Variants in CACNA1H observed in about 807,000 individuals in gnomAD.
CACNA1H encodes the protein calcium voltage-gated channel subunit alpha1 H.
CACNA1H carries 149 observed loss-of-function variants against 192.5 expected under a neutral mutation model. That is an observed-to-expected ratio of 0.77 (90% confidence interval 0.68 to 0.89). CACNA1H has a LOEUF of 0.89. Ranked by LOEUF, CACNA1H falls within the 40% of genes least tolerant of loss-of-function variation. The pLI, the probability that CACNA1H is intolerant of heterozygous loss-of-function variation, is 0.00. For missense variants in CACNA1H, 4,257 were observed against 3,423.5 expected (o/e 1.24, Z -6.08); for synonymous variants, 2,202 against 1,475.2 (o/e 1.49, Z -11.29).
chr16:1,211,401 GC>G, intron 22 of CACNA1H, 79 bp from the exon 23 acceptor site: 1 of 1,607,216 alleles, frequency 6.2e-7, no homozygotes, highest in Admixed American at 1.7e-5. Context: ...GACAGCTCGG[GC>G]CTCACTCGCG....
chr16:1,216,399 C>A (rs536588563), intron 30 of CACNA1H, among the ~76,000 whole-genome samples: 1 of 152,236 alleles, frequency 6.6e-6, no homozygotes, highest in African/African-American at 2.4e-5. Context: ...GAGGGTGCGC[C>A]GCCCAGCGGG....
intron 2 of CACNA1H, among the ~76,000 whole-genome samples, chr16:1,184,488 G>C (rs1019235133): frequency 6.6e-6 from 1 of 152,234 alleles, no homozygotes; most frequent in Non-Finnish European, 1.5e-5. Context: ...TGGGCTGCTC[G>C]TTTCCCGGCC....
Position 1,204,207 on chromosome 16 carries a change from G to T in CACNA1H, c.2200G>T (p.Val734Phe). The T allele has an allele frequency of 6.2e-7, 1 of 1,611,964 alleles. No individual in the cohort carries two copies. ...GRGVYEFTQDVRHGDRWDPTR... is the reference protein window; with the variant it reads ...GRGVYEFTQDFRHGDRWDPTR... Reference sequence around the variant, plus strand: ...TGGCGTCTATGAATTCACGCAGGACGTCCGGCACGGTGACCGCTGGGACCC... The same window carrying T: ...TGGCGTCTATGAATTCACGCAGGACTTCCGGCACGGTGACCGCTGGGACCC... Residue 734 changes from valine to phenylalanine, a missense_variant, in exon 10 of 35, where the codon GTC (valine) becomes TTC (phenylalanine). Coordinates refer to ENST00000348261, the MANE Select transcript of CACNA1H (RefSeq NM_021098.3).
chr16:1,198,276 C>T (rs1296496198), intron 5 of CACNA1H, among the ~76,000 whole-genome samples: 1 of 152,138 alleles, frequency 6.6e-6, no homozygotes, highest in Non-Finnish European at 1.5e-5. Flanking sequence ...CTGCCTCGGC[C>T]AGTCCCCTGC....
intron 21 of CACNA1H, 49 bp downstream of exon 21, chr16:1,211,020 C>T (rs775409966): frequency 1.3e-5 from 21 of 1,570,334 alleles, no homozygotes; most frequent in Admixed American, 3.4e-5. Context: ...GCACAGTCCC[C>T]TGACGCCACT....
chr16:1,179,808 C>T (rs1965287089), intron 2 of CACNA1H, among the ~76,000 whole-genome samples: 1 of 147,596 alleles, frequency 6.8e-6, no homozygotes, highest in Middle Eastern at 3.6e-3. Flanking sequence ...GATCTCCGCT[C>T]ACTGCAACCT....
At chr16:1,214,359 T>C (rs942588078) in intron 27 of CACNA1H, among the ~76,000 whole-genome samples, 36 of 152,366 alleles carry the variant, frequency 2.4e-4, no homozygotes, top group African/African-American at 6.5e-4. Context: ...TGGGTAGCAG[T>C]AAGCTTTTGA....
intron 2 of CACNA1H, among the ~76,000 whole-genome samples, chr16:1,179,459 G>A (rs1471478039): frequency 6.6e-6 from 1 of 152,186 alleles, no homozygotes; most frequent in Non-Finnish European, 1.5e-5. Context: ...TTTATTTATT[G>A]ATGTGTGTGT....
chr16:1,186,946 G>T (rs1166378703), intron 2 of CACNA1H, among the ~76,000 whole-genome samples: 1 of 152,126 alleles, frequency 6.6e-6, no homozygotes, highest in African/African-American at 2.4e-5. Flanking sequence ...GCTGGTTCCC[G>T]GGGATCTCCT....
chr16:1,214,943 C>T (rs1451644742), intron 27 of CACNA1H, 29 bp from the exon 28 acceptor site: 4 of 1,536,396 alleles, frequency 2.6e-6, no homozygotes, highest in Non-Finnish European at 3.6e-6. Flanking sequence ...CCCAGCCCCA[C>T]CTCAGCCAGC....
intron 2 of CACNA1H, among the ~76,000 whole-genome samples, chr16:1,162,770 A>G (rs910459147): frequency 6.6e-6 from 1 of 151,944 alleles, no homozygotes; most frequent in African/African-American, 2.4e-5. Context: ...CGCTGGGAGG[A>G]CAGTGTCCAA....
Position 1,201,174 on chromosome 16 carries a change from C to G in CACNA1H, c.1212+366C>G, listed in dbSNP as rs148068325. Reference sequence around the variant, plus strand: ...TGGCAGAGTTGGGTTAATCAGGCCGCAGACGTCTGTGGGGTCCTAGGTATA... The same window carrying G: ...TGGCAGAGTTGGGTTAATCAGGCCGGAGACGTCTGTGGGGTCCTAGGTATA... On this transcript the variant is annotated intron_variant, in intron 8 of 34. Coordinates refer to ENST00000348261, the MANE Select transcript of CACNA1H (RefSeq NM_021098.3). Among the ~76,000 whole-genome samples the G allele has an allele frequency of 4.1e-3, 620 of 152,278 alleles. 10 individuals are homozygous for G. The highest frequency in any genetic ancestry group is 0.014 in the African/African-American group (585 of 41,548).
chr16:1,175,431 C>T (rs897986215), intron 2 of CACNA1H, among the ~76,000 whole-genome samples: 2 of 152,142 alleles, frequency 1.3e-5, no homozygotes, highest in African/African-American at 4.8e-5. Flanking sequence ...GTCTGGGGCC[C>T]TCAGGACTCC....
rs1326221744 is a variant in CACNA1H, at chr16:1,194,588, C to T, written c.300-384C>T. The stretch of plus-strand genomic sequence containing the variant: ...GGGTGCCCTGCCTACAGCCCCCCAG[C>T]GCGGGAGCCCTATGCAACCTGGGCC... On this transcript the variant is annotated intron_variant, in intron 2 of 34. Coordinates refer to ENST00000348261, the MANE Select transcript of CACNA1H (RefSeq NM_021098.3). Among the ~76,000 whole-genome samples the T allele has an allele frequency of 5.3e-5, 8 of 152,340 alleles. No individual in the cohort carries two copies. In the South Asian group the frequency reaches 8.3e-4, roughly 16 times the overall value.
chr16:1,201,599 G>A lies in CACNA1H; in HGVS notation c.1213-64G>A, dbSNP rs1967919707. On this transcript the variant is annotated intron_variant, in intron 8 of 34. Coordinates refer to ENST00000348261, the MANE Select transcript of CACNA1H (RefSeq NM_021098.3). Reference sequence around the variant, plus strand: ...CCACTCGAACAGGCAGCGCACAGTAGGGCTCAGTGGCGAATCAGAGACTCG... The same window carrying A: ...CCACTCGAACAGGCAGCGCACAGTAAGGCTCAGTGGCGAATCAGAGACTCG... 4.0e-6 allele frequency: 6 copies of A among 1,494,040 alleles called. No individual in the cohort carries two copies. In the Admixed American group the frequency reaches 1.0e-4, roughly 26 times the overall value. The allele number at this position is 1,494,040 out of a possible 1,614,324, so 92.5% of individuals were successfully genotyped here.
intron 2 of CACNA1H, among the ~76,000 whole-genome samples, chr16:1,172,181 C>T (rs919264395): frequency 2.0e-5 from 3 of 152,172 alleles, no homozygotes; most frequent in African/African-American, 7.2e-5. Context: ...AGAGTGGCTG[C>T]GTGCCTCGAT....
At position 1,204,088 on chromosome 16, in the gene CACNA1H, C is replaced by A. The variant is rs369626032; in HGVS notation, c.2081C>A (p.Thr694Asn). 6.2e-7 allele frequency: 1 copy of A among 1,609,276 alleles called. No homozygotes were observed. The highest frequency in any genetic ancestry group is 1.1e-5 in the South Asian group (1 of 90,222). Residue 694 changes from threonine to asparagine, a missense_variant, in exon 10 of 35, where the codon ACC (threonine) becomes AAC (asparagine). Coordinates refer to ENST00000348261, the MANE Select transcript of CACNA1H (RefSeq NM_021098.3). ...PLPSPPAGTL[T>N]CELKSCPYCT... is the part of the protein sequence containing the mutation. ...CCCAGCCCCCCAGCGGGCACACTGA[C>A]CTGTGAGCTGAAGAGCTGCCCGTAC...
intron 6 of CACNA1H, among the ~76,000 whole-genome samples, chr16:1,199,846 T>C (rs1967592627): frequency 1.3e-5 from 2 of 152,074 alleles, no homozygotes; most frequent in Non-Finnish European, 2.9e-5. Flanking sequence ...CCCTCGTCCC[T>C]TGCCCTTTGC....
At chr16:1,153,514 G>C (rs1961844480) in intron 1 of CACNA1H, 44 bp downstream of exon 1, 3 of 284,314 alleles carry the variant, frequency 1.1e-5, no homozygotes, top group East Asian at 6.1e-5. Context: ...TCTTCAACTT[G>C]CGCGAAGCGG....
Sources: allele counts gnomAD v4.1 joint callset (sites outside exome capture counted in the v4.1 genomes callset), GRCh38; gene constraint gnomAD v4.1.1; transcripts MANE v1.5; gene names NCBI Gene and HGNC (gene_info 2026-07-23, HGNC 2026-07-21).